Variants in UNC13C observed in about 807,000 individuals in gnomAD.
UNC13C encodes unc-13 homolog C, also known as protein unc-13 homolog C.
In UNC13C, 174 loss-of-function variants were observed where a neutral mutation model predicts 245.4. The observed-to-expected ratio is 0.71, with a 90% CI of 0.63 to 0.80. The LOEUF (loss-of-function observed/expected upper bound fraction) is 0.80. Among genes scored for constraint, UNC13C ranks in the 30% least tolerant of loss-of-function variants. The probability of loss-of-function intolerance (pLI) is 0.00; values close to 1 mark genes in which losing one functional copy is unlikely to be tolerated. For synonymous variants in UNC13C, 992 were observed against 895.1 expected, an observed-to-expected ratio of 1.11 and a Z score of -1.93; for missense variants, 2,829 against 2,602.9, an observed-to-expected ratio of 1.09 and a Z score of -1.89.
chr15:53,856,903 A>G, the UNC13C span, among the ~76,000 whole-genome samples: 22 of 152,092 alleles, frequency 1.4e-4, no homozygotes, highest in South Asian at 6.2e-4. Flanking sequence ...TTATTTTTGT[A>G]TGGTAGTCTA....
At position 54,399,234 on chromosome 15, in the gene UNC13C, T is replaced by C. The variant is rs543997745; in HGVS notation, c.4847+6053T>C. ...TTAAAGAAGTTCACAGTGACTTATA[T>C]TTTGATATACAGATATTTGGTTACC... On this transcript the variant is annotated intron_variant, in intron 18 of 32. Transcript: ENST00000260323. Among the ~76,000 whole-genome samples the C allele has an allele frequency of 4.0e-5, 6 of 151,764 alleles. No homozygotes were observed. In the South Asian group the frequency reaches 1.2e-3, roughly 31 times the overall value.
intron 4 of UNC13C, among the ~76,000 whole-genome samples, chr15:54,147,345 G>C (rs556578464): frequency 6.3e-4 from 95 of 151,534 alleles, no homozygotes; most frequent in African/African-American, 2.1e-3. Context: ...TCAGCCTCCT[G>C]AGTAGCTGGG....
intron 30 of UNC13C, among the ~76,000 whole-genome samples, chr15:54,573,719 G>C (rs965999391): frequency 6.6e-6 from 1 of 152,208 alleles, no homozygotes; most frequent in Non-Finnish European, 1.5e-5. Flanking sequence ...GCAGAGCTTT[G>C]GTTGTCACAT....
chr15:54,134,248 C>G (rs2031602011), intron 2 of UNC13C, among the ~76,000 whole-genome samples: 1 of 144,266 alleles, frequency 6.9e-6, no homozygotes, highest in Non-Finnish European at 1.5e-5. Context: ...AACTACTGTT[C>G]TACTCTCCAC....
intron 19 of UNC13C, among the ~76,000 whole-genome samples, chr15:54,444,939 A>G (rs897265179): frequency 6.7e-6 from 1 of 149,560 alleles, no homozygotes; most frequent in Admixed American, 6.6e-5. Flanking sequence ...TACATTAGGT[A>G]TATCTCCTAA....
chr15:54,253,737 G>A (rs533265550), intron 8 of UNC13C, among the ~76,000 whole-genome samples: 34 of 152,250 alleles, frequency 2.2e-4, no homozygotes, highest in African/African-American at 6.3e-4. Context: ...GAAAAAGGCC[G>A]TGTTGGCTGG....
At chr15:54,525,790 C>G (rs934019796) in intron 25 of UNC13C, among the ~76,000 whole-genome samples, 153 bp downstream of exon 25, 1 of 152,130 alleles carries the variant, frequency 6.6e-6, no homozygotes, top group African/African-American at 2.4e-5. Context: ...CTGTTATGAC[C>G]CCACAATCTA....
chr15:53,846,804 A>G, the UNC13C span, among the ~76,000 whole-genome samples: 1 of 152,300 alleles, frequency 6.6e-6, no homozygotes, highest in East Asian at 1.9e-4. Flanking sequence ...AATAATTCCA[A>G]GATCCTTTAG....
chr15:54,363,223 C>T (rs533134350), intron 17 of UNC13C, among the ~76,000 whole-genome samples: 1 of 152,326 alleles, frequency 6.6e-6, no homozygotes, highest in South Asian at 2.1e-4. Flanking sequence ...ATTCTCTTGC[C>T]TCAGCCTCCC....
At chr15:54,442,250 CTTTT>C (rs35414078) in intron 19 of UNC13C, among the ~76,000 whole-genome samples, 2 of 127,392 alleles carry the variant, frequency 1.6e-5, no homozygotes, top group Admixed American at 1.6e-4. Flanking sequence ...TGTTCCAGTT[CTTTT>C]TTTTTTTTTT....
intron 19 of UNC13C, among the ~76,000 whole-genome samples, chr15:54,471,000 T>C (rs1241188625): frequency 6.6e-6 from 1 of 151,490 alleles, no homozygotes; most frequent in African/African-American, 2.4e-5. Context: ...TCAATTTCCA[T>C]ATATTTGTTA....
At chr15:53,868,966 C>T in the UNC13C span, among the ~76,000 whole-genome samples, 4 of 152,046 alleles carry the variant, frequency 2.6e-5, no homozygotes, top group Middle Eastern at 3.4e-3. Context: ...AAAATTTAGT[C>T]GGGCGTGGTG....
At chr15:54,180,434 T>C (rs544462043) in intron 4 of UNC13C, among the ~76,000 whole-genome samples, 1 of 152,182 alleles carries the variant, frequency 6.6e-6, no homozygotes, top group African/African-American at 2.4e-5. Context: ...TTCCATGTTG[T>C]TGATATTGTG....
intron 13 of UNC13C, among the ~76,000 whole-genome samples, chr15:54,308,976 G>A (rs535271359): frequency 5.3e-5 from 8 of 151,780 alleles, no homozygotes; most frequent in South Asian, 2.1e-4. Context: ...ATGGGTGTGC[G>A]GATATTTCTT....
rs752937309 is a variant in UNC13C, at chr15:54,322,682, G to A, written c.4425+587G>A. Among the ~76,000 whole-genome samples, 40 of 152,140 alleles carry A rather than the reference G, an allele frequency of 2.6e-4. 1 individual carries two copies. The highest frequency in any genetic ancestry group is 5.3e-4 in the African/African-American group (22 of 41,548). Reference sequence around the variant, plus strand: ...GGAATCAAAGGAGCCCCAAGAATTCGTCTGTTGCATCCATCAGTGTAACTC... The same window carrying A: ...GGAATCAAAGGAGCCCCAAGAATTCATCTGTTGCATCCATCAGTGTAACTC... On this transcript the variant is annotated intron_variant, in intron 14 of 32. Coordinates refer to ENST00000260323, the MANE Select transcript of UNC13C (RefSeq NM_001080534.3).
At chr15:54,438,943 T>C (rs1462068118) in intron 19 of UNC13C, among the ~76,000 whole-genome samples, 2 of 151,958 alleles carry the variant, frequency 1.3e-5, no homozygotes, top group Non-Finnish European at 2.9e-5. Flanking sequence ...TACTGAAATA[T>C]ATTTTTTAAT....
chr15:53,925,627 AT>A, the UNC13C span, among the ~76,000 whole-genome samples: 2 of 152,168 alleles, frequency 1.3e-5, no homozygotes, highest in Non-Finnish European at 2.9e-5. Flanking sequence ...TTTTGTTTAC[AT>A]TTTAAAGACA....
chr15:53,848,100 C>T, the UNC13C span, among the ~76,000 whole-genome samples: 1 of 117,692 alleles, frequency 8.5e-6, no homozygotes, highest in Non-Finnish European at 2.0e-5. Flanking sequence ...TGTATTCTCT[C>T]TCTCTCTTAT....
intron 17 of UNC13C, among the ~76,000 whole-genome samples, chr15:54,371,694 C>A (rs1300211167): frequency 6.9e-6 from 1 of 145,880 alleles, no homozygotes; most frequent in Non-Finnish European, 1.5e-5. Context: ...ATAAAATACC[C>A]CTTAATAATG....
Sources: allele counts gnomAD v4.1 joint callset (sites outside exome capture counted in the v4.1 genomes callset), GRCh38; gene constraint gnomAD v4.1.1; transcripts MANE v1.5; gene names NCBI Gene and HGNC (gene_info 2026-07-23, HGNC 2026-07-21).